Variants in PSD3 observed in about 807,000 individuals in gnomAD.
PSD3 encodes pleckstrin and Sec7 domain containing 3.
PSD3 carries 49 observed loss-of-function variants against 105.5 expected under a neutral mutation model. The observed-to-expected ratio is 0.46, with a 90% CI of 0.37 to 0.59. The LOEUF (loss-of-function observed/expected upper bound fraction) is 0.59, where lower values mean the gene tolerates loss of function less well. PSD3 is among the 20% of genes least tolerant of loss of function. PSD3 has a pLI of 0.00. For synonymous variants in PSD3, 557 were observed against 457.8 expected (o/e 1.22, Z -2.77); for missense variants, 1,561 against 1,263.8 (o/e 1.24, Z -3.57).
chr8:18,961,048 A>T (rs1306747748), intron 1 of PSD3, among the ~76,000 whole-genome samples: 2 of 152,126 alleles, frequency 1.3e-5, no homozygotes, highest in African/African-American at 4.8e-5. Flanking sequence ...TGAGTAACAG[A>T]GTCACTGCCC....
intron 10 of PSD3, among the ~76,000 whole-genome samples, chr8:18,652,635 T>C (rs1808595213): frequency 6.6e-6 from 1 of 151,312 alleles, no homozygotes; most frequent in Non-Finnish European, 1.5e-5. Flanking sequence ...GTAGCTGGGA[T>C]TACAAGTGCA....
chr8:18,846,899 G>A (rs775743701), intron 4 of PSD3, among the ~76,000 whole-genome samples: 38 of 152,052 alleles, frequency 2.5e-4, no homozygotes, highest in Non-Finnish European at 3.1e-4. Flanking sequence ...GCTCAGAAAC[G>A]GGTAGGTGAC....
At chr8:18,901,081 A>C (rs1470174249) in intron 2 of PSD3, among the ~76,000 whole-genome samples, 1 of 152,162 alleles carries the variant, frequency 6.6e-6, no homozygotes, top group Non-Finnish European at 1.5e-5. Flanking sequence ...TAACTTTTTA[A>C]AGTAGATGTG....
At chr8:18,746,495 T>A (rs966680287) in intron 9 of PSD3, among the ~76,000 whole-genome samples, 2 of 152,192 alleles carry the variant, frequency 1.3e-5, no homozygotes, top group African/African-American at 4.8e-5. Flanking sequence ...CACACCAGCG[T>A]GGCCAAGGGA....
rs889082311 is a variant in PSD3 at position 19,003,445 on chromosome 8, T to G, written c.21+10118A>C. Among the ~76,000 whole-genome samples the G allele has an allele frequency of 1.4e-4, 21 of 151,994 alleles. 1 individual carries two copies. Among genetic ancestry groups the G allele is most frequent in the Admixed American group, 1.2e-3 (19 of 15,276 alleles). ...CCCCTCCCAACTTCACACTTCTCAC[T>G]CTCCTGAAATTCTTCAGGAGATCCT... On this transcript the variant is annotated intron_variant, in intron 1 of 15. Coordinates refer to ENST00000327040, the MANE Select transcript of PSD3 (RefSeq NM_015310.4).
chr8:18,680,585 G>T (rs7818359), intron 9 of PSD3, among the ~76,000 whole-genome samples: 15,837 of 152,082 alleles, frequency 0.1, 1,756 homozygotes, highest in African/African-American at 0.25. Context: ...AACATATTCA[G>T]ATTTGCATCC....
rs535934842 is a variant in PSD3, at chr8:19,083,029, G to T, written c.324+1177C>A. Among the ~76,000 whole-genome samples the T allele has an allele frequency of 7.9e-5, 12 of 152,226 alleles. No individual in the cohort carries two copies. In the South Asian group the frequency reaches 1.9e-3, roughly 24 times the overall value. The stretch of plus-strand genomic sequence containing the variant: ...GGAGAGGGCATGGTGTTTGGATGAC[G>T]CAGTACCCCCTCTAAGCCCATGGGA... On this transcript the variant is annotated intron_variant, in intron 1 of 1. Transcript: ENST00000521475.
Position 18,579,056 on chromosome 8 carries a change from T to A in PSD3, c.2482-3771A>T, listed in dbSNP as rs866525948. On this transcript the variant is annotated intron_variant, in intron 12 of 15. Transcript: ENST00000327040. Reference sequence around the variant, plus strand: ...GCAAAATGCAAACCTTAAAATATTTTCAGCATTCTGAATTCCTACTAGAAA... The same window carrying A: ...GCAAAATGCAAACCTTAAAATATTTACAGCATTCTGAATTCCTACTAGAAA... Among the ~76,000 whole-genome samples, 106 of 151,190 alleles carry A rather than the reference T, an allele frequency of 7.0e-4. 1 individual carries two copies. The highest frequency in any genetic ancestry group is 1.7e-3 in the Admixed American group (26 of 15,126).
chr8:18,768,708 C>T (rs1807239006), intron 8 of PSD3, among the ~76,000 whole-genome samples: 1 of 152,196 alleles, frequency 6.6e-6, no homozygotes, highest in Non-Finnish European at 1.5e-5. Context: ...TTCCCACCTC[C>T]CCTTTCCCAG....
intron 1 of PSD3, among the ~76,000 whole-genome samples, chr8:19,070,249 G>C (rs1829208428): frequency 6.6e-6 from 1 of 151,766 alleles, no homozygotes. Context: ...CGCCTAGCAA[G>C]GTTTAAACCT....
intron 4 of PSD3, among the ~76,000 whole-genome samples, chr8:18,840,648 C>T (rs939053124): frequency 6.6e-6 from 1 of 152,156 alleles, no homozygotes; most frequent in Non-Finnish European, 1.5e-5. Flanking sequence ...GCTAGGTTTC[C>T]CATAACACGG....
chr8:18,803,389 C>CTGTGTGTGTG (rs59427991), intron 6 of PSD3: 7,103 of 143,236 alleles, frequency 0.05, 310 homozygotes, highest in African/African-American at 0.11. Context: ...AATCTATAAA[C>CTGTGTGTGTG]TGTGTGTGTG....
intron 2 of PSD3, among the ~76,000 whole-genome samples, chr8:18,882,574 C>A (rs910724147): frequency 1.3e-5 from 2 of 152,152 alleles, no homozygotes; most frequent in Admixed American, 1.3e-4. Context: ...GAGATAATCT[C>A]AGCCTATTCT....
At chr8:18,788,152 G>A (rs189745924) in intron 8 of PSD3, among the ~76,000 whole-genome samples, 1 of 152,294 alleles carries the variant, frequency 6.6e-6, no homozygotes, top group African/African-American at 2.4e-5. Context: ...TATTGGTACT[G>A]AGGACAACAT....
intron 9 of PSD3, chr8:18,684,243 C>G (rs7843552): frequency 2.6e-4 from 55 of 210,916 alleles, no homozygotes; most frequent in African/African-American, 1.2e-3. Flanking sequence ...CACACACACA[C>G]ACACACACCC....
At chr8:18,877,783 C>A (rs1586304880) in intron 2 of PSD3, among the ~76,000 whole-genome samples, 1 of 151,984 alleles carries the variant, frequency 6.6e-6, no homozygotes, top group African/African-American at 2.4e-5. Flanking sequence ...CTCAAGTGAT[C>A]CCTCCCGCCT....
chr8:18,935,174 G>A (rs1312466831), intron 2 of PSD3, among the ~76,000 whole-genome samples: 2 of 152,178 alleles, frequency 1.3e-5, no homozygotes, highest in South Asian at 2.1e-4. Flanking sequence ...ATTAGCACTA[G>A]TAATAGTTCT....
chr8:18,925,382 T>G (rs1821295368), intron 2 of PSD3, among the ~76,000 whole-genome samples: 1 of 149,762 alleles, frequency 6.7e-6, no homozygotes, highest in African/African-American at 2.5e-5. Flanking sequence ...GGCAACTATC[T>G]CTAAAAGTAT....
intron 12 of PSD3, among the ~76,000 whole-genome samples, chr8:18,577,110 G>A (rs1385439117): frequency 6.6e-6 from 1 of 151,864 alleles, no homozygotes; most frequent in East Asian, 1.9e-4. Context: ...GGAAAGAAGA[G>A]TATTTTTTCA....
Sources: gnomAD v4.1 joint callset for allele counts (sites outside exome capture counted in the v4.1 genomes callset) on GRCh38, gnomAD v4.1.1 for gene constraint, MANE v1.5 for transcripts, NCBI Gene and HGNC (gene_info 2026-07-23, HGNC 2026-07-21) for gene names.